The following NELL2 variants were observed in gnomAD, a reference collection of about 807,000 sequenced individuals.
The protein encoded by NELL2 is protein kinase C-binding protein NELL2.
Under a neutral mutation model 109.6 loss-of-function variants are expected in NELL2, and 41 were observed. The observed-to-expected ratio is 0.37, with a 90% CI of 0.29 to 0.49. The LOEUF is 0.49. Among genes scored for constraint, NELL2 ranks in the 20% least tolerant of loss-of-function variants. The pLI is 0.98. For synonymous variants in NELL2, 355 were observed against 344.7 expected, an observed-to-expected ratio of 1.03 and a Z score of -0.33; for missense variants, 900 against 1,008.3, an observed-to-expected ratio of 0.89 and a Z score of 1.45.
chr12:44,590,785 C>T lies in NELL2; in HGVS notation c.1663+16384G>A, dbSNP rs538513150. 8.9e-4 allele frequency among the ~76,000 whole-genome samples: 135 copies of T among 151,648 alleles called. 1 individual carries two copies. The highest frequency in any genetic ancestry group is 2.5e-3 in the African/African-American group (103 of 41,356). On this transcript the variant is annotated intron_variant, in intron 15 of 19. Coordinates refer to ENST00000429094, the MANE Select transcript of NELL2 (RefSeq NM_001145108.2). ...GTAGACAAATGGGATTAGATCAAAC[C>T]GAAAAGCTTCTGCATAGCAAAGGAA...
intron 13 of NELL2, among the ~76,000 whole-genome samples, chr12:44,640,442 C>T (rs1166162619): frequency 1.8e-4 from 27 of 152,116 alleles, no homozygotes; most frequent in Admixed American, 1.8e-3. Context: ...AATTGTTTTG[C>T]CTCCTTGAAT....
chr12:44,597,374 C>T (rs1334997018), intron 15 of NELL2, among the ~76,000 whole-genome samples: 1 of 152,178 alleles, frequency 6.6e-6, no homozygotes, highest in East Asian at 1.9e-4. Context: ...CTTCCATTTG[C>T]TGATAGCCTC....
At chr12:44,611,073 C>A (rs1945605717) in intron 13 of NELL2, 103 bp from the exon 14 acceptor site, 2 of 1,118,616 alleles carry the variant, frequency 1.8e-6, no homozygotes, top group African/African-American at 3.1e-5. Context: ...TTCTTTCAAC[C>A]ACAGACATAA....
intron 15 of NELL2, among the ~76,000 whole-genome samples, chr12:44,540,652 G>A (rs1592089938): frequency 6.6e-6 from 1 of 152,042 alleles, no homozygotes; most frequent in East Asian, 1.9e-4. Flanking sequence ...ATAAATATCT[G>A]TGGGAAACTA....
rs779959831 is a variant in NELL2 at position 44,815,973 on chromosome 12, C to A, written c.335+13G>T. On this transcript the variant is annotated intron_variant, in intron 3 of 19. Transcript: ENST00000429094. ...ATAATGAAAACACAGGAAACTCCAG[C>A]AACCACATTTACCTGTGATCCAAGT... The A allele has an allele frequency of 1.4e-5, 22 of 1,603,046 alleles. No individual in the cohort carries two copies. Among genetic ancestry groups the A allele is most frequent in the Non-Finnish European group, 1.8e-5 (21 of 1,177,142 alleles).
In NELL2 at chr12:44,682,740, G is replaced by A. The variant is rs535155211; in HGVS notation, c.1319-17131C>T. Among the ~76,000 whole-genome samples, 42 of 152,108 alleles carry A rather than the reference G, an allele frequency of 2.8e-4. 1 individual carries two copies. In the East Asian group the frequency reaches 5.8e-3, roughly 21 times the overall value. Reference sequence around the variant, plus strand: ...GATCAGATAGTTGCAGATATGCGGTGTTATTTCTGAGGGCTCTGTTCCGTT... The same window carrying A: ...GATCAGATAGTTGCAGATATGCGGTATTATTTCTGAGGGCTCTGTTCCGTT... On this transcript the variant is annotated intron_variant, in intron 12 of 19. Coordinates refer to ENST00000429094, the MANE Select transcript of NELL2 (RefSeq NM_001145108.2).
chr12:44,598,728 C>T (rs1945069077), intron 15 of NELL2, among the ~76,000 whole-genome samples: 1 of 151,986 alleles, frequency 6.6e-6, no homozygotes, highest in East Asian at 1.9e-4. Flanking sequence ...AAGCCAAACA[C>T]CAGATATGGA....
At chr12:44,785,603 G>A (rs571933278) in intron 3 of NELL2, among the ~76,000 whole-genome samples, 163 of 152,282 alleles carry the variant, frequency 1.1e-3, no homozygotes, top group African/African-American at 3.8e-3. Flanking sequence ...CAAAGCTGGA[G>A]GCATCATGCC....
intron 13 of NELL2, among the ~76,000 whole-genome samples, chr12:44,654,236 G>A (rs527905356): frequency 7.9e-5 from 12 of 152,308 alleles, no homozygotes; most frequent in African/African-American, 1.4e-4. Context: ...AAGCTCTGGT[G>A]TAAAGAAAAG....
chr12:44,879,736 C>A (rs189221891), upstream of NELL2, among the ~76,000 whole-genome samples: 3 of 152,076 alleles, frequency 2.0e-5, 1 homozygote, highest in African/African-American at 7.3e-5. Context: ...GAGTAGTAAG[C>A]TTTGAAGAAT....
chr12:44,886,467 T>C lies in NELL2; in HGVS notation c.39-10567A>G, dbSNP rs188478858. On this transcript the variant is annotated intron_variant, in intron 1 of 20. Coordinates refer to the NELL2 transcript ENST00000333837. ...TATATAAATAACTCTTATAATTCAGTAGGACCAAAAAATTCAATTAAAAAA... is the reference window on the plus strand; with the variant it reads ...TATATAAATAACTCTTATAATTCAGCAGGACCAAAAAATTCAATTAAAAAA... Among the ~76,000 whole-genome samples, 26 of 152,022 alleles carry C rather than the reference T, an allele frequency of 1.7e-4. No individual in the cohort carries two copies. In the East Asian group the frequency reaches 3.9e-3, roughly 23 times the overall value.
At chr12:44,717,441 G>A (rs17574950) in intron 9 of NELL2, among the ~76,000 whole-genome samples, 20,727 of 152,020 alleles carry the variant, frequency 0.14, 1,587 homozygotes, top group East Asian at 0.23. Flanking sequence ...ATATTTAGTA[G>A]GGCAGACAGA....
At chr12:44,876,907 C>T (rs1945344323), upstream of NELL2, 3 of 1,254,350 alleles carry the variant, frequency 2.4e-6, no homozygotes, top group South Asian at 2.8e-5. Flanking sequence ...TGGAGAGGTT[C>T]CCTGCCGGGG....
rs145904278 is a variant in NELL2 at position 44,520,075 on chromosome 12, A to G, written c.2330T>C (p.Met777Thr). 563 of 1,613,944 alleles carry G rather than the reference A, an allele frequency of 3.5e-4. 2 individuals are homozygous for G. The highest frequency in any genetic ancestry group is 4.6e-4 in the Non-Finnish European group (537 of 1,180,014). ...NDITKTCLDE[M>T]NVVRFTGSSW... Reference sequence around the variant, plus strand: ...GGACCCGGTGAAGCGAACCACATTCATTTCGTCCAGGCAAGTCTTGGTGAT... The same window carrying G: ...GGACCCGGTGAAGCGAACCACATTCGTTTCGTCCAGGCAAGTCTTGGTGAT... Residue 777 changes from methionine (M) to threonine (T), a missense_variant, in exon 19 of 20, where the codon ATG becomes ACG. This residue lies in a region of NELL2 where 333 missense variants were observed against 432.3 expected (regional missense o/e 0.77). Coordinates refer to ENST00000429094, the MANE Select transcript of NELL2 (RefSeq NM_001145108.2).
At chr12:44,665,765 A>T (rs1448072676) in intron 12 of NELL2, among the ~76,000 whole-genome samples, 156 bp from the exon 13 acceptor site, 1 of 152,244 alleles carries the variant, frequency 6.6e-6, no homozygotes, top group African/African-American at 2.4e-5. Context: ...TTTAATGTTC[A>T]AATGACAAAA....
intron 15 of NELL2, among the ~76,000 whole-genome samples, chr12:44,565,341 C>T (rs954976761): frequency 6.6e-6 from 1 of 152,100 alleles, no homozygotes; most frequent in African/African-American, 2.4e-5. Context: ...ACTAAAAATG[C>T]TGCCAATTAA....
intron 12 of NELL2, among the ~76,000 whole-genome samples, chr12:44,679,854 C>G (rs1385872775): frequency 6.6e-6 from 1 of 152,124 alleles, no homozygotes; most frequent in Admixed American, 6.5e-5. Flanking sequence ...TACATAGTAT[C>G]TTCCCTAACC....
Position 44,552,072 on chromosome 12 carries a change from G to C in NELL2, c.1664-19351C>G, listed in dbSNP as rs574115031. Reference sequence around the variant, plus strand: ...TGGGGAGTTTCCATTGCAGCTACTAGGCATATTACTGCTAATGTGGTGTCT... The same window carrying C: ...TGGGGAGTTTCCATTGCAGCTACTACGCATATTACTGCTAATGTGGTGTCT... On this transcript the variant is annotated intron_variant, in intron 15 of 19. Coordinates refer to ENST00000429094, the MANE Select transcript of NELL2 (RefSeq NM_001145108.2). Among the ~76,000 whole-genome samples, 3 of 152,224 alleles carry C rather than the reference G, an allele frequency of 2.0e-5. No individual in the cohort carries two copies. In the South Asian group the frequency reaches 6.2e-4, roughly 32 times the overall value.
At chr12:44,588,442 C>G (rs1487009709) in intron 15 of NELL2, among the ~76,000 whole-genome samples, 1 of 152,108 alleles carries the variant, frequency 6.6e-6, no homozygotes, top group East Asian at 1.9e-4. Context: ...AGAGGCCCCT[C>G]AGACTGCCAA....
Sources: gnomAD v4.1 joint callset for allele counts (sites outside exome capture counted in the v4.1 genomes callset) on GRCh38, gnomAD v4.1.1 for gene constraint, gnomAD v4.1.1 regional missense constraint, MANE v1.5 for transcripts, NCBI Gene and HGNC (gene_info 2026-07-23, HGNC 2026-07-21) for gene names.